ABCB1: variants seen among roughly 807,000 people sequenced by gnomAD.
ABCB1 encodes ATP binding cassette subfamily B member 1.
A neutral mutation model predicts 142.0 loss-of-function variants in ABCB1; 69 were observed. The observed-to-expected ratio is 0.49, with a 90% CI of 0.40 to 0.59. The LOEUF (loss-of-function observed/expected upper bound fraction) is 0.59. Ranked by LOEUF, ABCB1 falls within the 20% of genes least tolerant of loss-of-function variation. The pLI is 0.00. For missense variants in ABCB1, 1,326 were observed against 1,554.7 expected (o/e 0.85, Z 2.47); for synonymous variants, 532 against 539.2 (o/e 0.99, Z 0.18).
At chr7:87,505,731 A>G (rs1464906876) in intron 27 of ABCB1, among the ~76,000 whole-genome samples, 166 bp downstream of exon 27, 1 of 152,216 alleles carries the variant, frequency 6.6e-6, no homozygotes, top group Non-Finnish European at 1.5e-5. Flanking sequence ...GCCTTGTGTC[A>G]TCTTTACTCT....
intron 1 of ABCB1, chr7:87,628,445 G>A (rs1401012595): frequency 5.9e-6 from 1 of 168,940 alleles, no homozygotes; most frequent in African/African-American, 2.4e-5. Flanking sequence ...AGTGTGGGTG[G>A]TTGGGCGTGA....
intron 3 of ABCB1, among the ~76,000 whole-genome samples, chr7:87,587,807 G>A (rs961031419): frequency 6.6e-6 from 1 of 150,704 alleles, no homozygotes; most frequent in Non-Finnish European, 1.5e-5. Context: ...CCTGGGAGGC[G>A]GAGCTTGCAG....
intron 4 of ABCB1, among the ~76,000 whole-genome samples, chr7:87,577,266 A>G (rs1563060218): frequency 1.3e-5 from 2 of 152,132 alleles, no homozygotes. Flanking sequence ...TTAAGGATGA[A>G]TAGTACTCCA....
intron 1 of ABCB1, among the ~76,000 whole-genome samples, chr7:87,689,413 G>A (rs1275049497): frequency 1.3e-5 from 2 of 152,050 alleles, no homozygotes; most frequent in African/African-American, 4.8e-5. Context: ...TAATGAGCAA[G>A]TCATACTTTA....
At chr7:87,703,269 G>C (rs538693443) in intron 1 of ABCB1, among the ~76,000 whole-genome samples, 1 of 150,668 alleles carries the variant, frequency 6.6e-6, no homozygotes, top group East Asian at 1.9e-4. Flanking sequence ...TTTTCTTTTG[G>C]AAAATTTTTG....
At chr7:87,528,308 C>T (rs1815886512) in intron 21 of ABCB1, among the ~76,000 whole-genome samples, 1 of 152,028 alleles carries the variant, frequency 6.6e-6, no homozygotes, top group South Asian at 2.1e-4. Context: ...AAAATTTGAT[C>T]ACTTTTAACT....
chr7:87,581,743 A>G (rs1418037700), intron 4 of ABCB1, among the ~76,000 whole-genome samples: 1 of 152,198 alleles, frequency 6.6e-6, no homozygotes, highest in African/African-American at 2.4e-5. Flanking sequence ...ATTAGATCCT[A>G]TGTTTATTGT....
At chr7:87,520,986 A>G in intron 21 of ABCB1, 110 bp from the exon 22 acceptor site, 1 of 819,888 alleles carries the variant, frequency 1.2e-6, no homozygotes, top group Non-Finnish European at 2.0e-6. Context: ...CATATTTATT[A>G]TTATGTATGA....
chr7:87,544,245 T>C lies in ABCB1; in HGVS notation c.2095A>G (p.Arg699Gly). The part of the protein sequence containing the change: ...DESIPPVSFW[R>G]IMKLNLTEWP... ...TCAGTTAAATTTAGCTTCATAATCC[T>C]CCAAAAGGAAACTGGAGGTATACTT... The change falls in exon 17 of 28, where the codon AGG becomes GGG. Residue 699 changes from arginine to glycine, a missense_variant. Arg to Gly is a moderately radical substitution (Grantham distance 125). Coordinates refer to ENST00000622132, the MANE Select transcript of ABCB1 (RefSeq NM_001348946.2). 6.2e-7 allele frequency: 1 copy of C among 1,613,432 alleles called. No individual in the cohort carries two copies. Among genetic ancestry groups the C allele is most frequent in the Non-Finnish European group, 8.5e-7 (1 of 1,179,882 alleles).
At chr7:87,594,728 C>A (rs1245329683) in intron 3 of ABCB1, among the ~76,000 whole-genome samples, 1 of 152,146 alleles carries the variant, frequency 6.6e-6, no homozygotes, top group Admixed American at 6.5e-5. Context: ...GGAGTCATGG[C>A]AAGAGCAATG....
At chr7:87,678,217 G>A (rs1417535688) in intron 1 of ABCB1, among the ~76,000 whole-genome samples, 1 of 152,138 alleles carries the variant, frequency 6.6e-6, no homozygotes, top group Non-Finnish European at 1.5e-5. Flanking sequence ...GCCTCTCAAA[G>A]TTCTGGGATT....
At chr7:87,514,477 A>T (rs763549582) in intron 25 of ABCB1, among the ~76,000 whole-genome samples, 1 of 152,076 alleles carries the variant, frequency 6.6e-6, no homozygotes, top group Non-Finnish European at 1.5e-5. Context: ...TGTTCTTTTT[A>T]CATTTCCCAA....
intron 1 of ABCB1, among the ~76,000 whole-genome samples, chr7:87,676,771 C>T (rs1029204756): frequency 6.6e-6 from 1 of 151,248 alleles, no homozygotes; most frequent in African/African-American, 2.4e-5. Flanking sequence ...GATCACAACT[C>T]CTTGCCTTAT....
At chr7:87,553,320 T>TG (rs1212019769) in intron 9 of ABCB1, among the ~76,000 whole-genome samples, 1 of 143,394 alleles carries the variant, frequency 7.0e-6, no homozygotes, top group African/African-American at 2.6e-5. Flanking sequence ...TTTTCCACTT[T>TG]TTTTTTTTTT....
chr7:87,679,048 C>T (rs1331958872), intron 1 of ABCB1, among the ~76,000 whole-genome samples: 2 of 134,370 alleles, frequency 1.5e-5, no homozygotes, highest in Non-Finnish European at 3.1e-5. Flanking sequence ...ATGATCTTGG[C>T]AATATTATCA....
chr7:87,524,748 A>G (rs1212518903), intron 21 of ABCB1, among the ~76,000 whole-genome samples: 1 of 152,132 alleles, frequency 6.6e-6, no homozygotes, highest in African/African-American at 2.4e-5. Context: ...AAATAAAAAA[A>G]TAAAATAAAA....
chr7:87,579,529 T>C (rs1048284754), intron 4 of ABCB1, among the ~76,000 whole-genome samples: 1 of 152,236 alleles, frequency 6.6e-6, no homozygotes, highest in East Asian at 1.9e-4. Context: ...TTGCATACGA[T>C]GAACAATCCT....
chr7:87,531,152 T>C, intron 21 of ABCB1, 142 bp downstream of exon 21: 1 of 748,542 alleles, frequency 1.3e-6, no homozygotes, highest in Non-Finnish European at 2.2e-6. Flanking sequence ...TCTAATTTAC[T>C]GAATAAGCAT....
chr7:87,536,270 C>T (rs530321223), intron 20 of ABCB1, among the ~76,000 whole-genome samples, 188 bp downstream of exon 20: 1 of 152,268 alleles, frequency 6.6e-6, no homozygotes, highest in Non-Finnish European at 1.5e-5. Flanking sequence ...TATCTATATG[C>T]TCTACAGTAT....
Sources: gnomAD v4.1 joint callset for allele counts (sites outside exome capture counted in the v4.1 genomes callset) on GRCh38, gnomAD v4.1.1 for gene constraint, MANE v1.5 for transcripts, NCBI Gene and HGNC (gene_info 2026-07-23, HGNC 2026-07-21) for gene names.